Variants in NCK2 observed in about 807,000 individuals in gnomAD.
NCK2 encodes NCK adaptor protein 2.
In NCK2, 16 loss-of-function variants were observed where a neutral mutation model predicts 33.9. The observed-to-expected ratio is 0.47, with a 90% CI of 0.32 to 0.72. The LOEUF (loss-of-function observed/expected upper bound fraction) is 0.72. NCK2 is among the 30% of genes least tolerant of loss of function. The pLI is 0.03. For missense variants in NCK2, 418 were observed against 537.3 expected (o/e 0.78, Z 2.19); for synonymous variants, 273 against 239.9 (o/e 1.14, Z -1.27).
intron 1 of NCK2, among the ~76,000 whole-genome samples, chr2:105,797,353 C>T (rs966099376): frequency 1.3e-5 from 2 of 152,162 alleles, no homozygotes; most frequent in African/African-American, 2.4e-5. Context: ...GTGTGTTGAA[C>T]TCACAGTTCT....
intron 2 of NCK2, among the ~76,000 whole-genome samples, chr2:105,832,647 C>T (rs1435666495): frequency 6.6e-6 from 1 of 150,906 alleles, no homozygotes; most frequent in Non-Finnish European, 1.5e-5. Context: ...TGGAATGTGT[C>T]CCACTTGATC....
At chr2:105,887,428 T>C (rs567844387) in intron 4 of NCK2, among the ~76,000 whole-genome samples, 1 of 152,262 alleles carries the variant, frequency 6.6e-6, no homozygotes, top group African/African-American at 2.4e-5. Flanking sequence ...GATGTGTAGA[T>C]TATTGATGCT....
chr2:105,764,799 T>C (rs1440331339), intron 1 of NCK2, among the ~76,000 whole-genome samples: 1 of 152,232 alleles, frequency 6.6e-6, no homozygotes, highest in African/African-American at 2.4e-5. Context: ...TCCTTGTAAG[T>C]ATTTATAACT....
rs1229080544 is a variant in NCK2 at position 105,892,144 on chromosome 2, A to G, written c.949-838A>G. Among the ~76,000 whole-genome samples the G allele has an allele frequency of 2.0e-5, 3 of 151,964 alleles. No individual in the cohort carries two copies. In the East Asian group the frequency reaches 5.8e-4, roughly 29 times the overall value. On this transcript the variant is annotated intron_variant, in intron 4 of 4. Coordinates refer to ENST00000233154, the MANE Select transcript of NCK2 (RefSeq NM_003581.5). ...GGTTGCAGTGAGCCAAGATCACACC[A>G]TTGCACTCTAGCCTGGGCAACAAAA... is the stretch of plus-strand genomic sequence containing the variant.
intron 2 of NCK2, among the ~76,000 whole-genome samples, chr2:105,832,841 C>G (rs947873160): frequency 7.7e-6 from 1 of 130,576 alleles, no homozygotes; most frequent in Non-Finnish European, 1.6e-5. Context: ...GAAGAATTCT[C>G]TTCTCTTTTT....
intron 1 of NCK2, among the ~76,000 whole-genome samples, chr2:105,810,524 T>G (rs910636628): frequency 2.6e-5 from 4 of 152,256 alleles, no homozygotes; most frequent in East Asian, 1.9e-4. Flanking sequence ...TTTACTGGTG[T>G]TGTCACTACC....
intron 1 of NCK2, among the ~76,000 whole-genome samples, chr2:105,757,189 T>G (rs2104344085): frequency 6.6e-6 from 1 of 152,324 alleles, no homozygotes; most frequent in Middle Eastern, 3.4e-3. Flanking sequence ...AGTCTCCTTT[T>G]CCTTTGCTAC....
chr2:105,825,706 G>T (rs1675910902), intron 2 of NCK2, among the ~76,000 whole-genome samples: 1 of 152,200 alleles, frequency 6.6e-6, no homozygotes, highest in African/African-American at 2.4e-5. Flanking sequence ...GCCCAGCAGG[G>T]CTATTATCTG....
intron 1 of NCK2, among the ~76,000 whole-genome samples, chr2:105,748,969 A>G (rs955615212): frequency 2.0e-5 from 3 of 152,130 alleles, no homozygotes; most frequent in South Asian, 2.1e-4. Flanking sequence ...TGTCCAGACA[A>G]TGGGAGAATT....
Position 105,855,243 on chromosome 2 carries a change from C to T in NCK2, c.180C>T (p.Asn60=), listed in dbSNP as rs759773179. ...YVPSNYVERK[N]SLKKGSLVKN... is the part of the protein sequence containing the mutation. ...CGTCCAACTACGTGGAGCGGAAGAA[C>T]AGCCTGAAGAAGGGCTCCCTCGTGA... Residue 60 remains asparagine (N), a synonymous_variant, in exon 3 of 5, where the codon AAC becomes AAT. Coordinates refer to ENST00000233154, the MANE Select transcript of NCK2 (RefSeq NM_003581.5). 3.1e-6 allele frequency: 5 copies of T among 1,613,098 alleles called. No homozygotes were observed. Among genetic ancestry groups the T allele is most frequent in the South Asian group, 1.1e-5 (1 of 90,824 alleles).
chr2:105,884,387 A>G (rs1226756120), intron 4 of NCK2, among the ~76,000 whole-genome samples: 1 of 152,132 alleles, frequency 6.6e-6, no homozygotes, highest in East Asian at 1.9e-4. Flanking sequence ...GCATGCCAGG[A>G]TGGAAAGGTT....
intron 1 of NCK2, among the ~76,000 whole-genome samples, chr2:105,807,482 T>C (rs770222756): frequency 7.9e-5 from 12 of 152,192 alleles, no homozygotes; most frequent in Non-Finnish European, 7.4e-5. Flanking sequence ...AGCTGATATC[T>C]ATGTAATTTG....
chr2:105,818,625 A>T (rs926060425), intron 2 of NCK2, among the ~76,000 whole-genome samples: 1 of 152,178 alleles, frequency 6.6e-6, no homozygotes, highest in African/African-American at 2.4e-5. Flanking sequence ...TTGGTGTCCA[A>T]CTTTTAGGTG....
At chr2:105,813,691 C>T (rs1202149698) in intron 1 of NCK2, among the ~76,000 whole-genome samples, 1 of 152,220 alleles carries the variant, frequency 6.6e-6, no homozygotes, top group Admixed American at 6.5e-5. Context: ...GCACACTCGC[C>T]CAACACTGCA....
chr2:105,778,285 A>G (rs1351812748), intron 1 of NCK2, among the ~76,000 whole-genome samples: 2 of 152,190 alleles, frequency 1.3e-5, no homozygotes, highest in African/African-American at 2.4e-5. Context: ...ACCTTTGCCA[A>G]CATCCTGGAG....
chr2:105,806,280 C>G (rs1458931236), intron 1 of NCK2, among the ~76,000 whole-genome samples: 1 of 150,710 alleles, frequency 6.6e-6, no homozygotes, highest in East Asian at 1.9e-4. Context: ...CTCTGTCGCC[C>G]AGTCTGCAGT....
rs1411771322 is a variant in NCK2 at position 105,881,822 on chromosome 2, C to G, written c.721C>G (p.Arg241Gly). 1 of 1,608,250 alleles carries G rather than the reference C, an allele frequency of 6.2e-7. No individual in the cohort carries two copies. The highest frequency in any genetic ancestry group is 1.3e-5 in the African/African-American group (1 of 74,852). ...CGAGTGGTGGAAATGCAAAAATGCC[C>G]GGGGCCAGGTGGGCCTCGTCCCCAA... ...DPEWWKCKNA[R>G]GQVGLVPKNY... is the part of the protein sequence containing the mutation. The change falls in exon 4 of 5, where the codon CGG becomes GGG. Residue 241 changes from arginine to glycine, a missense_variant. By Grantham distance (125) the Arg-to-Gly change is moderately radical (BLOSUM62 -2). Coordinates refer to ENST00000233154, the MANE Select transcript of NCK2 (RefSeq NM_003581.5).
At chr2:105,776,669 C>T (rs1301626583) in intron 1 of NCK2, among the ~76,000 whole-genome samples, 1 of 152,186 alleles carries the variant, frequency 6.6e-6, no homozygotes. Context: ...CACCTTCCTC[C>T]TCCAGCCAGC....
chr2:105,756,652 G>A (rs1368834222), intron 1 of NCK2, among the ~76,000 whole-genome samples: 1 of 152,200 alleles, frequency 6.6e-6, no homozygotes, highest in African/African-American at 2.4e-5. Context: ...GTGGTATGTG[G>A]GATGGCCCAG....
Sources: allele counts gnomAD v4.1 joint callset (sites outside exome capture counted in the v4.1 genomes callset), GRCh38; gene constraint gnomAD v4.1.1; transcripts MANE v1.5; gene names NCBI Gene and HGNC (gene_info 2026-07-23, HGNC 2026-07-21).